Variants in IFT140 observed in about 807,000 individuals in gnomAD.
IFT140 encodes the protein intraflagellar transport protein 140 homolog.
IFT140 carries 133 observed loss-of-function variants against 164.6 expected under a neutral mutation model. The observed-to-expected ratio is 0.81, with a 90% CI of 0.70 to 0.93. The LOEUF (loss-of-function observed/expected upper bound fraction) is 0.93, where lower values mean the gene tolerates loss of function less well. Ranked by LOEUF, IFT140 falls within the 40% of genes least tolerant of loss-of-function variation. The pLI, the probability that IFT140 is intolerant of heterozygous loss-of-function variation, is 0.00. For missense variants in IFT140, 2,045 were observed against 1,972.3 expected (o/e 1.04, Z -0.70); for synonymous variants, 860 against 817.3 (o/e 1.05, Z -0.89).
intron 4 of IFT140, among the ~76,000 whole-genome samples, chr16:1,600,988 C>G (rs1166079475): frequency 6.6e-6 from 1 of 151,972 alleles, no homozygotes; most frequent in African/African-American, 2.4e-5. Flanking sequence ...ACTAGCCAGA[C>G]GTGGTAGCTC....
Position 1,554,884 on chromosome 16 carries a change from C to T in IFT140, c.2399+3051G>A, listed in dbSNP as rs369025963. On this transcript the variant is annotated intron_variant, in intron 19 of 30. Transcript: ENST00000426508. ...AACATTGGCGCCTGCCTTCTGGCCA[C>T]GCTGGCGGCAGCCATGCTCATCTGG... The T allele has an allele frequency of 3.4e-5, 55 of 1,614,124 alleles. No homozygotes were observed. Among genetic ancestry groups the T allele is most frequent in the Middle Eastern group, 3.3e-4 (2 of 6,084 alleles).
intron 13 of IFT140, among the ~76,000 whole-genome samples, chr16:1,576,453 G>A (rs1285559792): frequency 1.3e-5 from 2 of 151,470 alleles, no homozygotes; most frequent in African/African-American, 4.9e-5. Context: ...ATAGCTGGGC[G>A]TGGTGGTGGG....
chr16:1,589,873 AT>A (rs762516114), intron 6 of IFT140, 93 bp from the exon 7 acceptor site: 247 of 1,183,676 alleles, frequency 2.1e-4, no homozygotes, highest in Non-Finnish European at 2.9e-4. Flanking sequence ...ACTTAAGGAC[AT>A]TTTCAAAGCA....
At chr16:1,535,073 T>C (rs1174260344) in intron 19 of IFT140, among the ~76,000 whole-genome samples, 1 of 152,152 alleles carries the variant, frequency 6.6e-6, no homozygotes, top group Non-Finnish European at 1.5e-5. Context: ...ATGCTCTTTC[T>C]TTACTCATGA....
At chr16:1,527,876 C>T (rs551310309) in intron 19 of IFT140, among the ~76,000 whole-genome samples, 2 of 152,222 alleles carry the variant, frequency 1.3e-5, no homozygotes, top group Non-Finnish European at 2.9e-5. Flanking sequence ...CCCAGCCCCC[C>T]GCCTCTCCAT....
At chr16:1,606,275 C>T (rs2036056132) in intron 3 of IFT140, among the ~76,000 whole-genome samples, 1 of 152,250 alleles carries the variant, frequency 6.6e-6, no homozygotes, top group African/African-American at 2.4e-5. Flanking sequence ...GATCCACAAA[C>T]AGCACTGTGG....
At chr16:1,512,697 C>T (rs2040208978) in intron 30 of IFT140, among the ~76,000 whole-genome samples, 2 of 152,128 alleles carry the variant, frequency 1.3e-5, no homozygotes, top group African/African-American at 2.4e-5. Flanking sequence ...CAGCCACTCA[C>T]GAGGATCCCT....
In IFT140 at chr16:1,510,806, G is replaced by C; in HGVS notation, c.*138C>G. The C allele has an allele frequency of 3.6e-6, 3 of 833,764 alleles. No individual in the cohort carries two copies. In the East Asian group the frequency reaches 7.9e-5, roughly 22 times the overall value. The allele number at this position is 833,764 out of a possible 1,614,324, so 51.6% of individuals were successfully genotyped here. A position where few individuals can be genotyped will look rare whatever the true frequency, so the allele number is the denominator to read the frequency against. On this transcript the variant is annotated 3_prime_UTR_variant, in exon 31 of 31. Coordinates refer to ENST00000426508, the MANE Select transcript of IFT140 (RefSeq NM_014714.4). The stretch of plus-strand genomic sequence containing the variant: ...ACCCTCCGCCGGCCCGGGCCGCTGC[G>C]TTCTCGCCCAGCTCTGTCGCGTATT...
At chr16:1,525,097 G>T in intron 22 of IFT140, 134 bp downstream of exon 22, 1 of 1,167,164 alleles carries the variant, frequency 8.6e-7, no homozygotes, top group Non-Finnish European at 1.2e-6. Context: ...CCCTGGCATG[G>T]CTCTGAGGAG....
chr16:1,566,436 A>G (rs1347031209), intron 15 of IFT140, 145 bp from the exon 16 acceptor site: 2 of 693,604 alleles, frequency 2.9e-6, no homozygotes, highest in African/African-American at 3.6e-5. Flanking sequence ...TCCAAGGACT[A>G]GCATGCTTTC....
At chr16:1,592,401 C>T in intron 5 of IFT140, 66 bp downstream of exon 5, 1 of 1,610,194 alleles carries the variant, frequency 6.2e-7, no homozygotes, top group Non-Finnish European at 8.5e-7. Flanking sequence ...GGGTCAGGAG[C>T]AGCCCGCTTC....
At chr16:1,555,064 A>G (rs1246100749) in intron 19 of IFT140, 27 of 1,576,248 alleles carry the variant, frequency 1.7e-5, no homozygotes, top group Non-Finnish European at 2.2e-5. Context: ...CACACCTGCT[A>G]TCGTGGAACA....
At chr16:1,516,970 A>G (rs1040536233) in intron 30 of IFT140, among the ~76,000 whole-genome samples, 2 of 152,136 alleles carry the variant, frequency 1.3e-5, no homozygotes, top group African/African-American at 2.4e-5. Flanking sequence ...CTAAAATGAA[A>G]AACAGAAAAA....
rs187521755 is a variant in IFT140, at chr16:1,592,460, C to A, written c.491+7G>T. 5.6e-6 allele frequency: 9 copies of A among 1,613,804 alleles called. No individual in the cohort carries two copies. Among genetic ancestry groups the A allele is most frequent in the Admixed American group, 1.7e-5 (1 of 59,994 alleles). On this transcript the variant is annotated splice_region_variant and intron_variant, in intron 5 of 30. Transcript: ENST00000426508. Reference sequence around the variant, plus strand: ...CACACAGGTCACAGGGCAAGCCCCACACTTACTCGCCAGGAGGGGGGAGCC... The same window carrying A: ...CACACAGGTCACAGGGCAAGCCCCAAACTTACTCGCCAGGAGGGGGGAGCC...
chr16:1,511,248 T>TG, intron 30 of IFT140, 98 bp from the exon 31 acceptor site: 1 of 1,164,560 alleles, frequency 8.6e-7, no homozygotes, highest in Non-Finnish European at 1.2e-6. Flanking sequence ...TGGAGGCGGG[T>TG]GGGGGTGCCT....
At chr16:1,527,153 G>A (rs1367461893) in intron 19 of IFT140, 1 of 269,336 alleles carries the variant, frequency 3.7e-6, no homozygotes, top group African/African-American at 2.2e-5. Context: ...CCTGCTCTGA[G>A]ACAAAGCCTC....
Position 1,580,764 on chromosome 16 carries a change from A to C in IFT140, c.1519T>G (p.Trp507Gly), listed in dbSNP as rs2034514419. The C allele has an allele frequency of 6.2e-7, 1 of 1,611,912 alleles. No individual in the cohort carries two copies. The highest frequency in any genetic ancestry group is 8.5e-7 in the Non-Finnish European group (1 of 1,177,990). ...VESNRVQVRTWQGTVKQLLLF... is the reference protein window; with the variant it reads ...VESNRVQVRTGQGTVKQLLLF... ...GCAGTGGAGCAGCAACTTACCTGCC[A>C]GGTTCGAACTTGAACTCGGTTTGAC... The change falls in exon 13 of 31, where the codon TGG becomes GGG. Residue 507 changes from tryptophan to glycine, a missense_variant. Transcript: ENST00000426508.
chr16:1,525,767 C>A, intron 21 of IFT140, 120 bp downstream of exon 21: 1 of 1,071,536 alleles, frequency 9.3e-7, no homozygotes, highest in Non-Finnish European at 1.3e-6. Flanking sequence ...CTGCCACCAC[C>A]CTGAGACAGA....
At chr16:1,556,378 C>G (rs2033083271) in intron 19 of IFT140, among the ~76,000 whole-genome samples, 1 of 152,268 alleles carries the variant, frequency 6.6e-6, no homozygotes, top group Non-Finnish European at 1.5e-5. Context: ...GTCCTGGTGC[C>G]TGGCCTGGCG....
Sources: gnomAD v4.1 joint callset for allele counts (sites outside exome capture counted in the v4.1 genomes callset) on GRCh38, gnomAD v4.1.1 for gene constraint, MANE v1.5 for transcripts, NCBI Gene and HGNC (gene_info 2026-07-23, HGNC 2026-07-21) for gene names.